SLC25A48: variants seen among roughly 807,000 people sequenced by gnomAD.
SLC25A48 encodes CTC-321K16.1.
In SLC25A48, 29 loss-of-function variants were observed where a neutral mutation model predicts 32.2. That is an observed-to-expected ratio of 0.90 (90% CI 0.67 to 1.23). SLC25A48 has a LOEUF of 1.23. Ranked by LOEUF, SLC25A48 falls within the 50% of genes most tolerant of loss-of-function variation. SLC25A48 has a pLI of 0.00. For synonymous variants in SLC25A48, 164 were observed against 172.3 expected, an observed-to-expected ratio of 0.95 and a Z score of 0.38; for missense variants, 399 against 422.7, an observed-to-expected ratio of 0.94 and a Z score of 0.49.
intron 4 of SLC25A48, among the ~76,000 whole-genome samples, chr5:135,817,107 T>A (rs775946873): frequency 3.3e-5 from 5 of 152,230 alleles, no homozygotes; most frequent in Non-Finnish European, 7.3e-5. Flanking sequence ...ATAGCAGCAG[T>A]GCTCAATGGG....
At chr5:135,841,228 G>T (rs538920522) in intron 1 of SLC25A48, among the ~76,000 whole-genome samples, 1 of 152,302 alleles carries the variant, frequency 6.6e-6, no homozygotes, top group Non-Finnish European at 1.5e-5. Flanking sequence ...TTGGAGAAAC[G>T]TGTGTGCAAG....
At chr5:135,801,076 A>C (rs1419502688) in intron 3 of SLC25A48, among the ~76,000 whole-genome samples, 1 of 151,518 alleles carries the variant, frequency 6.6e-6, no homozygotes, top group African/African-American at 2.4e-5. Context: ...CCAATATCTC[A>C]GGGGTTGTAA....
chr5:135,768,830 C>A (rs942075475), intron 3 of SLC25A48, among the ~76,000 whole-genome samples: 2 of 151,668 alleles, frequency 1.3e-5, no homozygotes, highest in African/African-American at 4.8e-5. Context: ...TGATATTACT[C>A]GCAATATTGT....
At chr5:135,876,749 T>C (rs1303330303) in intron 6 of SLC25A48, among the ~76,000 whole-genome samples, 1 of 152,170 alleles carries the variant, frequency 6.6e-6, no homozygotes, top group Non-Finnish European at 1.5e-5. Context: ...CTTATGAACA[T>C]AAATAGTAAC....
chr5:135,782,183 C>T lies in SLC25A48; in HGVS notation c.-520-30340C>T, dbSNP rs556097577. On this transcript the variant is annotated intron_variant, in intron 3 of 10. Coordinates refer to the SLC25A48 transcript ENST00000646290. ...GGGGAGACGATATTATTCCCAATAT[C>T]GCAGGAAGTCTCCACCCTTCTTGTG... Among the ~76,000 whole-genome samples, 183 of 116,402 alleles carry T rather than the reference C, an allele frequency of 1.6e-3. 62 individuals carry two copies. Among genetic ancestry groups the T allele is most frequent in the Non-Finnish European group, 3.5e-3 (164 of 47,148 alleles). 76.4% of individuals were successfully genotyped at this position (116,402 alleles called of 152,430 possible). A position where few individuals can be genotyped will look rare whatever the true frequency, so the allele number is the denominator to read the frequency against.
rs1169411155 is a variant in SLC25A48 at position 135,706,281 on chromosome 5, C to T, written c.-521+71325C>T. Among the ~76,000 whole-genome samples the T allele has an allele frequency of 2.6e-5, 4 of 152,306 alleles. No individual in the cohort carries two copies. In the East Asian group the frequency reaches 5.8e-4, roughly 22 times the overall value. On this transcript the variant is annotated intron_variant, in intron 3 of 10. Coordinates refer to the SLC25A48 transcript ENST00000646290. ...GGCCCTGGGTTACAAAAGTGATTTACACCTTCTCTGCCCTTGAGTTGGGTG... is the reference window on the plus strand; with the variant it reads ...GGCCCTGGGTTACAAAAGTGATTTATACCTTCTCTGCCCTTGAGTTGGGTG...
At chr5:135,722,330 C>T (rs967146488) in intron 3 of SLC25A48, among the ~76,000 whole-genome samples, 11 of 152,114 alleles carry the variant, frequency 7.2e-5, no homozygotes, top group African/African-American at 2.7e-4. Context: ...ACTACCTGCC[C>T]CAAGCTTCTT....
At chr5:135,692,522 G>A (rs1354857928) in intron 3 of SLC25A48, among the ~76,000 whole-genome samples, 2 of 152,126 alleles carry the variant, frequency 1.3e-5, no homozygotes, top group Non-Finnish European at 2.9e-5. Flanking sequence ...ATCAAGATGG[G>A]TTATAGATTT....
intron 3 of SLC25A48, among the ~76,000 whole-genome samples, chr5:135,772,221 G>A (rs1334408108): frequency 1.3e-5 from 2 of 151,112 alleles, no homozygotes; most frequent in East Asian, 3.9e-4. Context: ...ATATCGCAGG[G>A]AGGTGTACAC....
At chr5:135,627,884 C>T (rs890455966) in intron 1 of SLC25A48, among the ~76,000 whole-genome samples, 1 of 152,148 alleles carries the variant, frequency 6.6e-6, no homozygotes, top group South Asian at 2.1e-4. Flanking sequence ...TGTGGAGCAA[C>T]TCTTCTCAGC....
At chr5:135,806,482 C>T (rs1422349766) in intron 3 of SLC25A48, among the ~76,000 whole-genome samples, 1 of 150,812 alleles carries the variant, frequency 6.6e-6, no homozygotes, top group Non-Finnish European at 1.5e-5. Context: ...TTATAAATAT[C>T]AAAGATATTT....
In SLC25A48 at chr5:135,781,359, C is replaced by T. The variant is rs1256352386; in HGVS notation, c.-520-31164C>T. ...TTACTCTCCATATCGCGGATGTGTA[C>T]GCCTCTCTGTGATCTGGTTCATAAT... On this transcript the variant is annotated intron_variant, in intron 3 of 10. Coordinates refer to the SLC25A48 transcript ENST00000646290. 3.4e-5 allele frequency among the ~76,000 whole-genome samples: 4 copies of T among 116,862 alleles called. 1 individual carries two copies. The highest frequency in any genetic ancestry group is 3.0e-4 in the South Asian group (1 of 3,294). The allele number at this position is 116,862 out of a possible 152,430, so 76.7% of individuals were successfully genotyped here.
chr5:135,685,431 CTT>C (rs5871571), intron 3 of SLC25A48, among the ~76,000 whole-genome samples: 9 of 129,710 alleles, frequency 6.9e-5, no homozygotes, highest in Non-Finnish European at 9.6e-5. Flanking sequence ...GATGTAAGGA[CTT>C]TTTTTTTTTT....
intron 1 of SLC25A48, among the ~76,000 whole-genome samples, chr5:135,584,091 G>A (rs1751302296): frequency 6.6e-6 from 1 of 152,204 alleles, no homozygotes; most frequent in Non-Finnish European, 1.5e-5. Flanking sequence ...GCTTAAAGCA[G>A]CCCCGAGGCA....
At chr5:135,879,298 G>A (rs974934880) in intron 6 of SLC25A48, among the ~76,000 whole-genome samples, 3 of 152,216 alleles carry the variant, frequency 2.0e-5, no homozygotes, top group Admixed American at 6.5e-5. Flanking sequence ...GCCAGGCACC[G>A]TGCAAGTGCC....
At chr5:135,586,688 G>A (rs1255765073) in intron 1 of SLC25A48, among the ~76,000 whole-genome samples, 1 of 152,196 alleles carries the variant, frequency 6.6e-6, no homozygotes, top group African/African-American at 2.4e-5. Flanking sequence ...TTAAACAACT[G>A]CTATGGGATG....
chr5:135,734,733 C>A (rs571340296), intron 3 of SLC25A48, among the ~76,000 whole-genome samples: 1 of 149,920 alleles, frequency 6.7e-6, no homozygotes, highest in South Asian at 2.1e-4. Context: ...AGGAGAGTGG[C>A]GTGAACCTGG....
intron 4 of SLC25A48, among the ~76,000 whole-genome samples, chr5:135,817,166 T>C (rs1379984284): frequency 6.6e-6 from 1 of 152,206 alleles, no homozygotes; most frequent in Non-Finnish European, 1.5e-5. Flanking sequence ...AGACATTCTT[T>C]ATTGTCATTA....
chr5:135,820,863 G>C (rs1257072169), intron 4 of SLC25A48, among the ~76,000 whole-genome samples: 1 of 152,200 alleles, frequency 6.6e-6, no homozygotes, highest in Non-Finnish European at 1.5e-5. Flanking sequence ...TGGGGACCAG[G>C]GTCTGAGGGC....
Sources: gnomAD v4.1 joint callset for allele counts (sites outside exome capture counted in the v4.1 genomes callset) on GRCh38, gnomAD v4.1.1 for gene constraint, MANE v1.5 for transcripts, NCBI Gene and HGNC (gene_info 2026-07-23, HGNC 2026-07-21) for gene names.